The following CAMTA1 variants were observed in gnomAD, a reference collection of about 807,000 sequenced individuals.
CAMTA1 encodes calmodulin binding transcription activator 1, also known as calmodulin-binding transcription activator 1.
In CAMTA1, 27 loss-of-function variants were observed where a neutral mutation model predicts 170.9. That is an observed-to-expected ratio of 0.16 (90% CI 0.12 to 0.22). CAMTA1 has a LOEUF of 0.22. Ranked by LOEUF, CAMTA1 falls within the 10% of genes least tolerant of loss-of-function variation. The probability of loss-of-function intolerance (pLI) is 1.00; values close to 1 mark genes in which losing one functional copy is unlikely to be tolerated. For synonymous variants in CAMTA1, 833 were observed against 891.5 expected (o/e 0.93, Z 1.17); for missense variants, 1,619 against 2,217.2 (o/e 0.73, Z 5.42).
chr1:6,859,747 C>T (rs1295738779), intron 3 of CAMTA1, among the ~76,000 whole-genome samples: 3 of 152,096 alleles, frequency 2.0e-5, no homozygotes, highest in Non-Finnish European at 2.9e-5. Context: ...TGTGATCGTG[C>T]GAGTGCACCC....
intron 11 of CAMTA1, among the ~76,000 whole-genome samples, chr1:7,714,825 A>G (rs1192459374): frequency 1.3e-5 from 2 of 152,130 alleles, no homozygotes; most frequent in Non-Finnish European, 2.9e-5. Context: ...TTTGGCCCAC[A>G]GCATCCTTCT....
intron 5 of CAMTA1, among the ~76,000 whole-genome samples, chr1:7,264,417 T>G (rs1668607423): frequency 1.3e-5 from 2 of 152,236 alleles, no homozygotes; most frequent in African/African-American, 4.8e-5. Flanking sequence ...AGTTTCCTTC[T>G]GGCGCAGGAG....
Position 7,670,934 on chromosome 1 carries a change from A to G in CAMTA1, c.2676A>G (p.Thr892=). Residue 892 remains threonine, a synonymous_variant, in exon 10 of 23, where the codon ACA becomes ACG. Coordinates refer to ENST00000303635, the MANE Select transcript of CAMTA1 (RefSeq NM_015215.4). ...AGGGAGGAGTGAAGGTCCTCATCAC[A>G]GGCCCGTGGCAAGAAGCCAGCAATA... is the stretch of plus-strand genomic sequence containing the variant. ...YPEGGVKVLI[T]GPWQEASNNY... The G allele has an allele frequency of 3.1e-6, 5 of 1,613,754 alleles. No homozygotes were observed. The highest frequency in any genetic ancestry group is 1.3e-5 in the African/African-American group (1 of 75,054).
intron 3 of CAMTA1, among the ~76,000 whole-genome samples, chr1:6,869,090 C>G (rs1667628681): frequency 6.6e-6 from 1 of 152,140 alleles, no homozygotes; most frequent in East Asian, 1.9e-4. Context: ...GAATGAAAAC[C>G]CCTCAGGCTC....
chr1:6,902,039 TCACA>T (rs536174579), intron 3 of CAMTA1, among the ~76,000 whole-genome samples: 49 of 114,296 alleles, frequency 4.3e-4, no homozygotes, highest in East Asian at 1.0e-3. Flanking sequence ...GGTGAGACTG[TCACA>T]CACACACACA....
intron 3 of CAMTA1, among the ~76,000 whole-genome samples, chr1:7,011,452 C>A (rs1308845030): frequency 1.3e-5 from 2 of 152,168 alleles, no homozygotes; most frequent in African/African-American, 2.4e-5. Flanking sequence ...CTTTCTAGCG[C>A]CCTCTGAGAC....
Position 6,965,057 on chromosome 1 carries a change from T to C in CAMTA1, c.235-126247T>C, listed in dbSNP as rs1318755545. Among the ~76,000 whole-genome samples the C allele has an allele frequency of 1.3e-5, 2 of 152,208 alleles. No individual in the cohort carries two copies. The highest frequency in any genetic ancestry group is 2.4e-5 in the African/African-American group (1 of 41,454). ...AGAGGGAGGGTCTTGTCTGGGAGAC[T>C]TGCCTGACCCTCTCTTACTTGGGTG... On this transcript the variant is annotated intron_variant, in intron 3 of 22. Transcript: ENST00000303635. The surrounding 1 kb of genome is among the most constrained non-coding windows in gnomAD (Gnocchi z 4.1).
intron 4 of CAMTA1, among the ~76,000 whole-genome samples, chr1:7,112,932 C>G (rs1644151233): frequency 6.6e-6 from 1 of 152,156 alleles, no homozygotes; most frequent in Non-Finnish European, 1.5e-5. Context: ...TTGGGGCTGC[C>G]CTGTTGAATG....
intron 6 of CAMTA1, among the ~76,000 whole-genome samples, chr1:7,533,063 A>T (rs2094508833): frequency 6.6e-6 from 1 of 152,196 alleles, no homozygotes; most frequent in South Asian, 2.1e-4. Context: ...AGAGTAAGGC[A>T]GTTGGAGGTA....
chr1:7,569,235 CCAT>C (rs1186670932), intron 6 of CAMTA1, among the ~76,000 whole-genome samples: 3 of 149,340 alleles, frequency 2.0e-5, no homozygotes, highest in East Asian at 4.1e-4. Context: ...ATCATCATCA[CCAT>C]CATCATCATC....
At position 7,482,949 on chromosome 1, in the gene CAMTA1, C is replaced by G. The variant is rs938270965; in HGVS notation, c.510+15048C>G. 2.0e-5 allele frequency among the ~76,000 whole-genome samples: 3 copies of G among 152,136 alleles called. No individual in the cohort carries two copies. Among genetic ancestry groups the G allele is most frequent in the African/African-American group, 4.8e-5 (2 of 41,422 alleles). On this transcript the variant is annotated intron_variant, in intron 6 of 22. Transcript: ENST00000303635. This position sits in a 1 kb window ranked among gnomAD's most constrained non-coding sequence, Gnocchi z 4.2. ...GAGCTGTAAATGTGCCCAGGCCCCA[C>G]CCCATGTCATCCCAGGGTGAGCCTG...
chr1:7,266,192 G>T (rs751333877), intron 5 of CAMTA1, among the ~76,000 whole-genome samples: 7 of 150,062 alleles, frequency 4.7e-5, no homozygotes, highest in Admixed American at 3.4e-4. Context: ...GCAGAGCGGG[G>T]GCGTGCTTGG....
Position 6,904,707 on chromosome 1 carries a change from CA to C in CAMTA1, c.234+79498del, listed in dbSNP as rs566846988. Among the ~76,000 whole-genome samples, 490 of 144,786 alleles carry C rather than the reference CA, an allele frequency of 3.4e-3. 2 individuals are homozygous for C. The highest frequency in any genetic ancestry group is 7.5e-3 in the Middle Eastern group (2 of 266). 95.0% of individuals were successfully genotyped at this position (144,786 alleles called of 152,430 possible). A position where few individuals can be genotyped will look rare whatever the true frequency, so the allele number is the denominator to read the frequency against. On this transcript the variant is annotated intron_variant, in intron 3 of 22. Coordinates refer to ENST00000303635, the MANE Select transcript of CAMTA1 (RefSeq NM_015215.4). Reference sequence around the variant, plus strand: ...CTCAGCCACTCGATATCTGGAACTACAGGCATGCGCCACCATGCCCAGCTAA... The same window carrying C: ...CTCAGCCACTCGATATCTGGAACTACGGCATGCGCCACCATGCCCAGCTAA...
chr1:7,398,193 C>CTCTCTCTATATATATA (rs1557651862), intron 5 of CAMTA1, among the ~76,000 whole-genome samples: 1 of 16,896 alleles, frequency 5.9e-5, no homozygotes, highest in African/African-American at 1.9e-4. Flanking sequence ...CTCTCTCTCT[C>CTCTCTCTATATATATA]TATATATATA....
Position 7,449,021 on chromosome 1 carries a change from A to T in CAMTA1, c.439-18809A>T, listed in dbSNP as rs79420439. Among the ~76,000 whole-genome samples, 405 of 152,362 alleles carry T rather than the reference A, an allele frequency of 2.7e-3. 12 individuals are homozygous for T. The East Asian group carries it at 0.056, about 21-fold the overall frequency. ...AAACAATAACCTGTCGTGAACATTG[A>T]TACCAACATGGTCTGTGGGGCGCCA... On this transcript the variant is annotated intron_variant, in intron 5 of 22. Transcript: ENST00000303635.
chr1:6,820,340 G>T lies in CAMTA1; in HGVS notation c.115+90G>T, dbSNP rs1570444383. 1.1e-5 allele frequency: 15 copies of T among 1,354,806 alleles called. 1 individual carries two copies. In the East Asian group the frequency reaches 3.3e-4, roughly 30 times the overall value. The allele number at this position is 1,354,806 out of a possible 1,614,324, so 83.9% of individuals were successfully genotyped here. Reference sequence around the variant, plus strand: ...TCTAGTACAGTGGAAACAGCCTTCAGCCCGGACTCAGAAGACCTGGGTTCT... The same window carrying T: ...TCTAGTACAGTGGAAACAGCCTTCATCCCGGACTCAGAAGACCTGGGTTCT... On this transcript the variant is annotated intron_variant, in intron 2 of 22. Transcript: ENST00000303635.
Position 7,680,006 on chromosome 1 carries a change from G to A in CAMTA1, c.2914+2273G>A, listed in dbSNP as rs939625948. ...CTTTTTCCCCCTAAATGAATACAAG[G>A]CACTCACCCACCCAAGGGCCCAGCC... On this transcript the variant is annotated intron_variant, in intron 11 of 22. Coordinates refer to ENST00000303635, the MANE Select transcript of CAMTA1 (RefSeq NM_015215.4). This position sits in a 1 kb window ranked among gnomAD's most constrained non-coding sequence, Gnocchi z 4.4. Among the ~76,000 whole-genome samples, 1 of 152,188 alleles carries A rather than the reference G, an allele frequency of 6.6e-6. No homozygotes were observed. The highest frequency in any genetic ancestry group is 2.4e-5 in the African/African-American group (1 of 41,448).
intron 5 of CAMTA1, among the ~76,000 whole-genome samples, chr1:7,458,844 A>G (rs1454939223): frequency 6.6e-6 from 1 of 152,240 alleles, no homozygotes; most frequent in Non-Finnish European, 1.5e-5. Flanking sequence ...CTAATATTCC[A>G]AATCTCTGCT....
intron 4 of CAMTA1, among the ~76,000 whole-genome samples, chr1:7,148,417 C>T (rs1646367927): frequency 1.1e-5 from 1 of 88,406 alleles, no homozygotes; most frequent in South Asian, 4.5e-4. Context: ...ACACACGAAT[C>T]CACCCCCTCC....
Sources: allele counts gnomAD v4.1 joint callset (sites outside exome capture counted in the v4.1 genomes callset), GRCh38; gene constraint gnomAD v4.1.1; non-coding constraint Gnocchi (gnomAD v3.1); transcripts MANE v1.5; gene names NCBI Gene and HGNC (gene_info 2026-07-23, HGNC 2026-07-21).